MAN1C1: variants seen among roughly 807,000 people sequenced by gnomAD.
MAN1C1 encodes the protein mannosyl-oligosaccharide 1,2-alpha-mannosidase IC.
Under a neutral mutation model 71.5 loss-of-function variants are expected in MAN1C1, and 49 were observed. That is an observed-to-expected ratio of 0.69 (90% CI 0.54 to 0.87). MAN1C1 has a LOEUF of 0.87. MAN1C1 is among the 40% of genes least tolerant of loss of function. The probability of loss-of-function intolerance (pLI) is 0.00; values close to 1 mark genes in which losing one functional copy is unlikely to be tolerated. For synonymous variants in MAN1C1, 352 were observed against 343.7 expected, an observed-to-expected ratio of 1.02 and a Z score of -0.27; for missense variants, 743 against 835.0, an observed-to-expected ratio of 0.89 and a Z score of 1.36.
chr1:25,706,162 A>T (rs2046518765), intron 2 of MAN1C1, among the ~76,000 whole-genome samples: 1 of 152,168 alleles, frequency 6.6e-6, no homozygotes. Flanking sequence ...GCTGCATGGT[A>T]TAAGGATGCC....
At chr1:25,654,471 A>G (rs1004612077) in intron 1 of MAN1C1, 1 of 152,212 alleles carries the variant, frequency 6.6e-6, no homozygotes, top group African/African-American at 2.4e-5. Context: ...CTCACCCCCA[A>G]GCCTGCCAGG....
chr1:25,769,165 C>T lies in MAN1C1; in HGVS notation c.1142-2492C>T, dbSNP rs2047510050. On this transcript the variant is annotated intron_variant, in intron 7 of 11. Transcript: ENST00000374332. This position sits in a 1 kb window ranked among gnomAD's most constrained non-coding sequence, Gnocchi z 4.8. Reference sequence around the variant, plus strand: ...ACACTCCCCTCACACATTCCACACACACACCCCACACATTACACACACTCG... The same window carrying T: ...ACACTCCCCTCACACATTCCACACATACACCCCACACATTACACACACTCG... 6.6e-6 allele frequency among the ~76,000 whole-genome samples: 1 copy of T among 150,900 alleles called. No individual in the cohort carries two copies. The highest frequency in any genetic ancestry group is 2.1e-4 in the South Asian group (1 of 4,740).
chr1:25,762,819 G>A (rs567087001), intron 6 of MAN1C1, among the ~76,000 whole-genome samples: 1 of 152,286 alleles, frequency 6.6e-6, no homozygotes, highest in Non-Finnish European at 1.5e-5. Flanking sequence ...GTGAACACAG[G>A]AATATAGATA....
At chr1:25,688,354 A>G (rs2046262878) in intron 2 of MAN1C1, among the ~76,000 whole-genome samples, 1 of 152,184 alleles carries the variant, frequency 6.6e-6, no homozygotes, top group East Asian at 1.9e-4. Flanking sequence ...AAAGTTGTGG[A>G]GCTTTTGCTG....
rs1282619991 is a variant in MAN1C1, at chr1:25,764,224, A to G, written c.1141+257A>G. On this transcript the variant is annotated intron_variant, in intron 7 of 11. Transcript: ENST00000374332. The surrounding 1 kb of genome is among the most constrained non-coding windows in gnomAD (Gnocchi z 4.4). ...GCCTGCCCTGTGCGTTCCAAACCCT[A>G]CCTTCTCTGGCCCCATCAATGGCGC... is the stretch of plus-strand genomic sequence containing the variant. Among the ~76,000 whole-genome samples, 3 of 151,596 alleles carry G rather than the reference A, an allele frequency of 2.0e-5. No homozygotes were observed. The highest frequency in any genetic ancestry group is 7.3e-5 in the African/African-American group (3 of 41,240).
chr1:25,687,971 T>TTA (rs1232424645), intron 2 of MAN1C1, among the ~76,000 whole-genome samples: 2 of 152,206 alleles, frequency 1.3e-5, no homozygotes, highest in Non-Finnish European at 2.9e-5. Flanking sequence ...TGACTTCATG[T>TTA]TATATCGTGT....
At position 25,644,518 on chromosome 1, in the gene MAN1C1, A is replaced by ATATTT. The variant is rs61386117; in HGVS notation, c.540+26182_540+26183insATTTT. On this transcript the variant is annotated intron_variant, in intron 1 of 11. Coordinates refer to ENST00000374332, the MANE Select transcript of MAN1C1 (RefSeq NM_020379.4). ...GAGACATATATATATATATATATAT[A>ATATTT]TTTTTTTTTTTTTTTTTTTTTTTTT... 120 of 40,306 alleles carry ATATTT rather than the reference A, an allele frequency of 3.0e-3. 3 individuals carry two copies. The highest frequency in any genetic ancestry group is 3.6e-3 in the Non-Finnish European group (102 of 27,974). 2.5% of individuals were successfully genotyped at this position (40,306 alleles called of 1,614,324 possible).
Position 25,624,849 on chromosome 1 carries a change from G to A in MAN1C1, c.540+6512G>A, listed in dbSNP as rs562250373. The stretch of plus-strand genomic sequence containing the variant: ...AAAATCCACTGTGCAATGCAGCGAT[G>A]TCCTGTTGGGGCTGATGGGTTGTAT... On this transcript the variant is annotated intron_variant, in intron 1 of 11. Transcript: ENST00000374332. 4.6e-5 allele frequency among the ~76,000 whole-genome samples: 7 copies of A among 152,252 alleles called. No individual in the cohort carries two copies. In the South Asian group the frequency reaches 1.2e-3, roughly 27 times the overall value.
intron 1 of MAN1C1, among the ~76,000 whole-genome samples, chr1:25,665,390 C>T (rs544790179): frequency 2.0e-5 from 3 of 152,210 alleles, no homozygotes; most frequent in Admixed American, 6.5e-5. Flanking sequence ...AAAATGGACT[C>T]GGTGTGATAA....
At position 25,668,559 on chromosome 1, in the gene MAN1C1, C is replaced by CT. The variant is rs1553184749; in HGVS notation, c.541-17867dup. 5.1e-3 allele frequency among the ~76,000 whole-genome samples: 722 copies of CT among 141,512 alleles called. 4 individuals carry two copies. The highest frequency in any genetic ancestry group is 0.013 in the African/African-American group (478 of 38,170). The allele number at this position is 141,512 out of a possible 152,430, so 92.8% of individuals were successfully genotyped here. A position where few individuals can be genotyped will look rare whatever the true frequency, so the allele number is the denominator to read the frequency against. ...CCAAGCCTTCTACTTTTCTTTCTTT[C>CT]TTTTTTTTTTTTTTGAGACGGAGTC... is the stretch of plus-strand genomic sequence containing the variant. On this transcript the variant is annotated intron_variant, in intron 1 of 11. Transcript: ENST00000374332.
At chr1:25,773,738 C>G (rs1030415449) in intron 8 of MAN1C1, among the ~76,000 whole-genome samples, 1 of 152,240 alleles carries the variant, frequency 6.6e-6, no homozygotes, top group Admixed American at 6.5e-5. Flanking sequence ...AAACTCAGAG[C>G]ACTTGATTTT....
intron 1 of MAN1C1, among the ~76,000 whole-genome samples, chr1:25,652,304 G>A (rs1035039456): frequency 6.6e-6 from 1 of 152,244 alleles, no homozygotes; most frequent in Non-Finnish European, 1.5e-5. Flanking sequence ...CTTGGTTGCT[G>A]TTGGGAAACA....
At chr1:25,632,865 ATTT>A (rs33924292) in intron 1 of MAN1C1, among the ~76,000 whole-genome samples, 56 of 113,088 alleles carry the variant, frequency 5.0e-4, no homozygotes, top group African/African-American at 1.7e-3. Context: ...TACAATTTTG[ATTT>A]TTTTTTTTTT....
In MAN1C1 at chr1:25,730,436, C is replaced by T. The variant is rs1052251105; in HGVS notation, c.638-16232C>T. Among the ~76,000 whole-genome samples the T allele has an allele frequency of 1.3e-5, 2 of 151,368 alleles. No individual in the cohort carries two copies. The highest frequency in any genetic ancestry group is 4.9e-5 in the African/African-American group (2 of 41,086). On this transcript the variant is annotated intron_variant, in intron 2 of 11. Coordinates refer to ENST00000374332, the MANE Select transcript of MAN1C1 (RefSeq NM_020379.4). The surrounding 1 kb of genome is among the most constrained non-coding windows in gnomAD (Gnocchi z 4.3). ...TTTTTTTAGTTTTCTCAGCCATCCT[C>T]GAAAACCTTAGCTGAGAATGACAAA... is the stretch of plus-strand genomic sequence containing the variant.
At chr1:25,636,411 T>C (rs529726617) in intron 1 of MAN1C1, among the ~76,000 whole-genome samples, 1 of 152,266 alleles carries the variant, frequency 6.6e-6, no homozygotes, top group East Asian at 1.9e-4. Flanking sequence ...ATACATTCCT[T>C]CCCCAGGGTA....
In MAN1C1 at chr1:25,771,724, G is replaced by T. The variant is rs369759176; in HGVS notation, c.1209G>T (p.Ser403=). ...YEYLIKSWLM[S]GKTDMEAKNM... ...ATTTGATCAAATCCTGGTTGATGTC[G>T]GGCAAGACAGATATGGAGGCTAAAA... The change falls in exon 8 of 12, where the codon TCG becomes TCT. Residue 403 remains serine (S), a synonymous_variant. Coordinates refer to ENST00000374332, the MANE Select transcript of MAN1C1 (RefSeq NM_020379.4). 6.2e-7 allele frequency: 1 copy of T among 1,614,006 alleles called. No homozygotes were observed. The highest frequency in any genetic ancestry group is 8.5e-7 in the Non-Finnish European group (1 of 1,180,010).
At chr1:25,728,290 G>A (rs1403449450) in intron 2 of MAN1C1, among the ~76,000 whole-genome samples, 1 of 152,128 alleles carries the variant, frequency 6.6e-6, no homozygotes, top group Non-Finnish European at 1.5e-5. Flanking sequence ...GCAACCTCGG[G>A]TTCTCAGAGG....
intron 1 of MAN1C1, among the ~76,000 whole-genome samples, chr1:25,685,376 C>T (rs1417346411): frequency 6.6e-6 from 1 of 152,234 alleles, no homozygotes; most frequent in Non-Finnish European, 1.5e-5. Context: ...TCTGCTGCCA[C>T]CGCGGGCCCC....
chr1:25,643,040 G>A (rs541747701), intron 1 of MAN1C1, among the ~76,000 whole-genome samples: 59 of 152,240 alleles, frequency 3.9e-4, no homozygotes, highest in African/African-American at 1.3e-3. Flanking sequence ...CTTCTCATGC[G>A]CAGCAGAGTC....
Sources: gnomAD v4.1 joint callset for allele counts (sites outside exome capture counted in the v4.1 genomes callset) on GRCh38, gnomAD v4.1.1 for gene constraint, Gnocchi (gnomAD v3.1) non-coding constraint, MANE v1.5 for transcripts, NCBI Gene and HGNC (gene_info 2026-07-23, HGNC 2026-07-21) for gene names.